Variants in STX8 observed in about 807,000 individuals in gnomAD.
STX8 encodes the protein syntaxin 8.
A neutral mutation model predicts 37.5 loss-of-function variants in STX8; 23 were observed. The observed-to-expected ratio is 0.61, with a 90% CI of 0.44 to 0.87. The LOEUF (loss-of-function observed/expected upper bound fraction) is 0.87. STX8 is among the 40% of genes least tolerant of loss of function. The probability of loss-of-function intolerance (pLI) is 0.00; values close to 1 mark genes in which losing one functional copy is unlikely to be tolerated. For synonymous variants in STX8, 115 were observed against 99.1 expected (o/e 1.16, Z -0.95); for missense variants, 313 against 284.7 (o/e 1.10, Z -0.71).
chr17:9,393,047 A>G (rs1164267239), intron 6 of STX8, among the ~76,000 whole-genome samples: 1 of 152,260 alleles, frequency 6.6e-6, no homozygotes, highest in Non-Finnish European at 1.5e-5. Context: ...CCAGGCCACA[A>G]CACATCATAT....
rs1904430514 is a variant in STX8, at chr17:9,436,306, C to T, written c.541+55523G>A. On this transcript the variant is annotated intron_variant, in intron 6 of 7. Transcript: ENST00000306357. ...CTTGCAGTGAGTTGAGATCGTGCCA[C>T]TGCGCTCCAGCTTGGGCGCAACAGA... is the stretch of plus-strand genomic sequence containing the variant. Among the ~76,000 whole-genome samples, 2 of 150,584 alleles carry T rather than the reference C, an allele frequency of 1.3e-5. 1 individual carries two copies. Among genetic ancestry groups the T allele is most frequent in the South Asian group, 4.2e-4 (2 of 4,746 alleles).
chr17:9,345,116 C>T (rs1311233195), intron 7 of STX8, among the ~76,000 whole-genome samples: 1 of 151,972 alleles, frequency 6.6e-6, no homozygotes, highest in Non-Finnish European at 1.5e-5. Flanking sequence ...GGACACCTGC[C>T]ACTCCTGACT....
At chr17:9,481,609 G>A (rs116834954) in intron 6 of STX8, among the ~76,000 whole-genome samples, 3,780 of 152,186 alleles carry the variant, frequency 0.025, 138 homozygotes, top group African/African-American at 0.084. Context: ...TAAACCACAT[G>A]GCATCATACT....
chr17:9,269,283 G>C (rs1907363271), intron 7 of STX8, among the ~76,000 whole-genome samples: 1 of 152,126 alleles, frequency 6.6e-6, no homozygotes. Flanking sequence ...TCACTTCTGA[G>C]GATAAGGTGA....
At chr17:9,302,883 T>G (rs76615247) in intron 7 of STX8, among the ~76,000 whole-genome samples, 9,183 of 151,968 alleles carry the variant, frequency 0.06, 373 homozygotes, top group South Asian at 0.12. Flanking sequence ...AGATTCAGTA[T>G]TTTTATTGTA....
chr17:9,358,068 T>A (rs1303029896), intron 7 of STX8, among the ~76,000 whole-genome samples: 1 of 152,140 alleles, frequency 6.6e-6, no homozygotes, highest in Non-Finnish European at 1.5e-5. Context: ...TGCTTCAGTC[T>A]TCAATTTTTA....
chr17:9,252,829 T>C (rs1049127644), intron 7 of STX8, among the ~76,000 whole-genome samples: 1 of 152,184 alleles, frequency 6.6e-6, no homozygotes, highest in Non-Finnish European at 1.5e-5. Flanking sequence ...CAACTTTGGT[T>C]CATGGGCCAA....
chr17:9,559,785 CAG>C (rs1308071941), intron 2 of STX8, among the ~76,000 whole-genome samples: 3 of 5,238 alleles, frequency 5.7e-4, no homozygotes, highest in African/African-American at 1.6e-3. Flanking sequence ...TTTTTTGAGA[CAG>C]AGTCTTGCTC....
intron 5 of STX8, among the ~76,000 whole-genome samples, chr17:9,498,855 C>T (rs16958348): frequency 0.011 from 1,632 of 152,268 alleles, 33 homozygotes; most frequent in African/African-American, 0.037. Context: ...GTCTGCGATC[C>T]CACTCAGGGA....
At chr17:9,274,017 A>G (rs1170338437) in intron 7 of STX8, among the ~76,000 whole-genome samples, 1 of 152,218 alleles carries the variant, frequency 6.6e-6, no homozygotes, top group African/African-American at 2.4e-5. Context: ...TTTAGTCATT[A>G]CAGTCTCATG....
Position 9,297,516 on chromosome 17 carries a change from T to C in STX8, c.644-46871A>G, listed in dbSNP as rs76296595. Reference sequence around the variant, plus strand: ...ATCTTTTATTTCAGCATTCGTGACTTCTCATACAAGCTGAATAGAGGTCAT... The same window carrying C: ...ATCTTTTATTTCAGCATTCGTGACTCCTCATACAAGCTGAATAGAGGTCAT... On this transcript the variant is annotated intron_variant, in intron 7 of 7. Transcript: ENST00000306357. Among the ~76,000 whole-genome samples the C allele has an allele frequency of 3.8e-3, 578 of 152,264 alleles. 3 individuals are homozygous for C. The highest frequency in any genetic ancestry group is 0.013 in the African/African-American group (541 of 41,554).
At chr17:9,449,437 G>GT (rs1904962351) in intron 6 of STX8, among the ~76,000 whole-genome samples, 1 of 152,200 alleles carries the variant, frequency 6.6e-6, no homozygotes, top group Non-Finnish European at 1.5e-5. Flanking sequence ...GCGGGCGCCT[G>GT]TAGTCCCAGC....
At chr17:9,518,045 C>G (rs572172262) in intron 4 of STX8, among the ~76,000 whole-genome samples, 1 of 152,224 alleles carries the variant, frequency 6.6e-6, no homozygotes, top group East Asian at 1.9e-4. Context: ...GTTCTAATAA[C>G]TTATCCTCCT....
intron 4 of STX8, among the ~76,000 whole-genome samples, chr17:9,542,323 A>G (rs1906309153): frequency 1.3e-5 from 2 of 151,854 alleles, no homozygotes; most frequent in South Asian, 4.2e-4. Context: ...GTGCCACTGC[A>G]CTCAAGCCTG....
intron 7 of STX8, among the ~76,000 whole-genome samples, chr17:9,337,244 G>C (rs1397239511): frequency 6.6e-6 from 1 of 152,180 alleles, no homozygotes; most frequent in Non-Finnish European, 1.5e-5. Context: ...TGCTTGAGTT[G>C]TGGAAGAAAA....
At chr17:9,489,346 A>G (rs1906747381) in intron 6 of STX8, among the ~76,000 whole-genome samples, 1 of 152,232 alleles carries the variant, frequency 6.6e-6, no homozygotes, top group African/African-American at 2.4e-5. Context: ...GAGTTTTAAA[A>G]GCAGCCCAGG....
chr17:9,311,530 ATC>A (rs761492839), intron 7 of STX8, among the ~76,000 whole-genome samples: 2 of 152,258 alleles, frequency 1.3e-5, no homozygotes, highest in Non-Finnish European at 2.9e-5. Context: ...TGTTTTTAAT[ATC>A]CATGAAATGA....
Position 9,299,925 on chromosome 17 carries a change from A to G in STX8, c.644-49280T>C, listed in dbSNP as rs148512846. Among the ~76,000 whole-genome samples, 795 of 152,304 alleles carry G rather than the reference A, an allele frequency of 5.2e-3. 8 individuals carry two copies. Among genetic ancestry groups the G allele is most frequent in the African/African-American group, 0.018 (752 of 41,568 alleles). Reference sequence around the variant, plus strand: ...CGTTTGCCAACACTTGGAGATGTAGAGAGCTTTAAGTTGTTATCTCGTCAA... The same window carrying G: ...CGTTTGCCAACACTTGGAGATGTAGGGAGCTTTAAGTTGTTATCTCGTCAA... On this transcript the variant is annotated intron_variant, in intron 7 of 7. Transcript: ENST00000306357.
Position 9,513,456 on chromosome 17 carries a change from C to T in STX8, c.324-8294G>A, listed in dbSNP as rs143775616. On this transcript the variant is annotated intron_variant, in intron 4 of 7. Transcript: ENST00000306357. Reference sequence around the variant, plus strand: ...AGCATTACTAATCGTCAGGGAACTGCAAATCCAAATCACAATGAGGTATCA... The same window carrying T: ...AGCATTACTAATCGTCAGGGAACTGTAAATCCAAATCACAATGAGGTATCA... 4.2e-3 allele frequency among the ~76,000 whole-genome samples: 632 copies of T among 152,178 alleles called. 5 individuals carry two copies. Among genetic ancestry groups the T allele is most frequent in the African/African-American group, 0.014 (580 of 41,520 alleles).
Sources: allele counts gnomAD v4.1 joint callset (sites outside exome capture counted in the v4.1 genomes callset), GRCh38; gene constraint gnomAD v4.1.1; transcripts MANE v1.5; gene names NCBI Gene and HGNC (gene_info 2026-07-23, HGNC 2026-07-21).